Variants in STXBP5L observed in about 807,000 individuals in gnomAD.
STXBP5L encodes syntaxin-binding protein 5-like.
STXBP5L carries 65 observed loss-of-function variants against 144.5 expected under a neutral mutation model. The observed-to-expected ratio is 0.45, with a 90% confidence interval of 0.37 to 0.55. The LOEUF (loss-of-function observed/expected upper bound fraction) is 0.55. STXBP5L is among the 20% of genes least tolerant of loss of function. The pLI is 0.00. For synonymous variants in STXBP5L, 505 were observed against 469.6 expected (o/e 1.08, Z -0.97); for missense variants, 1,298 against 1,405.5 (o/e 0.92, Z 1.22).
intron 9 of STXBP5L, among the ~76,000 whole-genome samples, chr3:121,174,103 G>T (rs2046839135): frequency 6.6e-6 from 1 of 151,972 alleles, no homozygotes; most frequent in Non-Finnish European, 1.5e-5. Flanking sequence ...AATAGGAGGT[G>T]GCTTTGAAAT....
intron 20 of STXBP5L, among the ~76,000 whole-genome samples, chr3:121,349,027 C>G (rs922135238): frequency 1.3e-5 from 2 of 152,026 alleles, no homozygotes; most frequent in African/African-American, 4.8e-5. Context: ...TCTTGCTTCT[C>G]TAGTTCTTTT....
chr3:121,384,266 TG>T (rs2046378216), intron 22 of STXBP5L, among the ~76,000 whole-genome samples: 1 of 152,096 alleles, frequency 6.6e-6, no homozygotes, highest in African/African-American at 2.4e-5. Context: ...AAGAATACCA[TG>T]GCAGCATGGC....
At chr3:121,106,297 G>C (rs2043702596) in intron 5 of STXBP5L, among the ~76,000 whole-genome samples, 1 of 152,126 alleles carries the variant, frequency 6.6e-6, no homozygotes, top group South Asian at 2.1e-4. Flanking sequence ...ATCCAGGTTT[G>C]TTAACATATG....
intron 22 of STXBP5L, among the ~76,000 whole-genome samples, chr3:121,405,064 C>G (rs924539616): frequency 7.9e-5 from 12 of 151,874 alleles, no homozygotes; most frequent in African/African-American, 2.4e-4. Context: ...AGAGAGAGAG[C>G]ATGTACTCTG....
chr3:121,061,998 C>G (rs2041305806), intron 5 of STXBP5L, among the ~76,000 whole-genome samples: 2 of 152,050 alleles, frequency 1.3e-5, no homozygotes, highest in Admixed American at 1.3e-4. Context: ...TGAATTTGAT[C>G]CTGTCATTAT....
At chr3:121,387,783 A>G (rs2046462620) in intron 22 of STXBP5L, among the ~76,000 whole-genome samples, 1 of 152,204 alleles carries the variant, frequency 6.6e-6, no homozygotes, top group Admixed American at 6.5e-5. Flanking sequence ...TGGTACCAGT[A>G]CCATGCTGTT....
intron 3 of STXBP5L, among the ~76,000 whole-genome samples, chr3:121,036,135 C>A (rs1946736138): frequency 6.6e-6 from 1 of 152,012 alleles, no homozygotes; most frequent in Admixed American, 6.6e-5. Context: ...GAGTTTGAGA[C>A]CAGCCTAGCC....
intron 19 of STXBP5L, among the ~76,000 whole-genome samples, chr3:121,286,466 T>G (rs922940248): frequency 2.0e-5 from 3 of 152,180 alleles, no homozygotes; most frequent in Non-Finnish European, 4.4e-5. Context: ...TTCTAGGCAT[T>G]AAGTACATAG....
intron 9 of STXBP5L, among the ~76,000 whole-genome samples, chr3:121,198,661 A>G (rs2048016461): frequency 6.6e-6 from 1 of 152,128 alleles, no homozygotes; most frequent in African/African-American, 2.4e-5. Context: ...TAATTTTTGT[A>G]TAAGGTGTAA....
intron 5 of STXBP5L, among the ~76,000 whole-genome samples, chr3:121,053,182 G>C (rs1343408444): frequency 6.6e-6 from 1 of 152,168 alleles, no homozygotes; most frequent in Non-Finnish European, 1.5e-5. Context: ...ATAATTTATA[G>C]ATTCAATGCC....
chr3:121,098,151 T>A (rs2043225485), intron 5 of STXBP5L, among the ~76,000 whole-genome samples: 1 of 152,190 alleles, frequency 6.6e-6, no homozygotes, highest in Non-Finnish European at 1.5e-5. Context: ...ATATGTTTTT[T>A]AGAGTTGGTT....
chr3:121,379,464 C>T (rs911221629), intron 21 of STXBP5L, among the ~76,000 whole-genome samples: 1 of 151,824 alleles, frequency 6.6e-6, no homozygotes, highest in Admixed American at 6.6e-5. Flanking sequence ...AACTTTGCTG[C>T]AACTGTCTTA....
intron 2 of STXBP5L, among the ~76,000 whole-genome samples, chr3:120,918,596 C>G (rs1465322370): frequency 6.6e-6 from 1 of 152,128 alleles, no homozygotes; most frequent in Non-Finnish European, 1.5e-5. Context: ...TTCTCCTCAC[C>G]CTGTGCTTAC....
At chr3:121,271,444 C>T (rs1478492326) in intron 18 of STXBP5L, among the ~76,000 whole-genome samples, 2 of 152,112 alleles carry the variant, frequency 1.3e-5, no homozygotes, top group Non-Finnish European at 2.9e-5. Flanking sequence ...AATCAGCTAT[C>T]TTAGTCTTCT....
intron 20 of STXBP5L, among the ~76,000 whole-genome samples, chr3:121,321,155 A>T (rs2043957358): frequency 6.6e-6 from 1 of 152,220 alleles, no homozygotes; most frequent in Non-Finnish European, 1.5e-5. Context: ...TCAATACCTT[A>T]CTTGATACTG....
chr3:121,097,504 C>G (rs182472677), intron 5 of STXBP5L, among the ~76,000 whole-genome samples: 1 of 152,178 alleles, frequency 6.6e-6, no homozygotes, highest in African/African-American at 2.4e-5. Context: ...AATGCAGTAT[C>G]TGGGCTGGAG....
At chr3:121,388,236 C>A (rs1224873020) in intron 22 of STXBP5L, among the ~76,000 whole-genome samples, 1 of 152,122 alleles carries the variant, frequency 6.6e-6, no homozygotes, top group Non-Finnish European at 1.5e-5. Flanking sequence ...GTGATTTTTG[C>A]ACGTTGATTT....
At chr3:120,933,922 A>G (rs537973410) in intron 2 of STXBP5L, among the ~76,000 whole-genome samples, 2 of 152,252 alleles carry the variant, frequency 1.3e-5, no homozygotes, top group East Asian at 3.9e-4. Flanking sequence ...ATTACTTTTA[A>G]AGGAATGATT....
chr3:121,203,782 G>A (rs947192434), intron 9 of STXBP5L, among the ~76,000 whole-genome samples: 2 of 152,098 alleles, frequency 1.3e-5, no homozygotes, highest in African/African-American at 4.8e-5. Context: ...ATACTGTTTT[G>A]TTCAATTAAT....
Sources: allele counts gnomAD v4.1 joint callset (sites outside exome capture counted in the v4.1 genomes callset), GRCh38; gene constraint gnomAD v4.1.1; transcripts MANE v1.5; gene names NCBI Gene and HGNC (gene_info 2026-07-23, HGNC 2026-07-21).